DSCAM: variants seen among roughly 807,000 people sequenced by gnomAD.
DSCAM encodes the protein DS cell adhesion molecule.
In DSCAM, 47 loss-of-function variants were observed where a neutral mutation model predicts 217.7. The observed-to-expected ratio is 0.22, with a 90% CI of 0.17 to 0.28. The LOEUF is 0.28. Among genes scored for constraint, DSCAM ranks in the 10% least tolerant of loss-of-function variants. DSCAM has a pLI of 1.00. For missense variants in DSCAM, 2,080 were observed against 2,618.3 expected (o/e 0.79, Z 4.49); for synonymous variants, 1,056 against 1,015.3 (o/e 1.04, Z -0.76).
In DSCAM at chr21:40,075,714, C is replaced by T. The variant is rs143817665; in HGVS notation, c.4712-501G>A. ...GATTAGGTAATTTGCTGGCTTTTAT[C>T]GCAGGTGTAAGACCAAATCTACTTC... On this transcript the variant is annotated intron_variant, in intron 26 of 32. Coordinates refer to ENST00000400454, the MANE Select transcript of DSCAM (RefSeq NM_001389.5). 4.6e-5 allele frequency among the ~76,000 whole-genome samples: 7 copies of T among 152,260 alleles called. No individual in the cohort carries two copies. The East Asian group carries it at 7.7e-4, about 17-fold the overall frequency.
chr21:40,434,796 C>T (rs2075568365), intron 3 of DSCAM, among the ~76,000 whole-genome samples: 1 of 152,014 alleles, frequency 6.6e-6, no homozygotes, highest in South Asian at 2.1e-4. Context: ...AAAAAAACAC[C>T]CGATTAGACA....
At chr21:40,328,044 ATGT>A (rs2074336787) in intron 8 of DSCAM, among the ~76,000 whole-genome samples, 1 of 152,186 alleles carries the variant, frequency 6.6e-6, no homozygotes, top group Non-Finnish European at 1.5e-5. Flanking sequence ...AGAAGAATTC[ATGT>A]TGTTAAAATG....
intron 14 of DSCAM, 151 bp downstream of exon 14, chr21:40,186,980 G>T: frequency 1.1e-6 from 1 of 928,744 alleles, no homozygotes; most frequent in Non-Finnish European, 1.6e-6. Context: ...AGAAAGCCAG[G>T]ATGTGCTTCC....
chr21:40,131,550 C>A (rs376108101), intron 19 of DSCAM, among the ~76,000 whole-genome samples: 1 of 152,128 alleles, frequency 6.6e-6, no homozygotes, highest in Non-Finnish European at 1.5e-5. Flanking sequence ...CTCAGCCTCC[C>A]GAGTAGCTGG....
At chr21:40,746,282 G>A (rs982023980) in intron 1 of DSCAM, among the ~76,000 whole-genome samples, 1 of 150,990 alleles carries the variant, frequency 6.6e-6, no homozygotes, top group African/African-American at 2.4e-5. Flanking sequence ...TTTTAAAAAT[G>A]CCCAATTATA....
intron 25 of DSCAM, among the ~76,000 whole-genome samples, chr21:40,079,288 G>A (rs1305906453): frequency 6.6e-6 from 1 of 152,176 alleles, no homozygotes. Context: ...GCGGGGCAGT[G>A]TGCTGGGCAC....
chr21:40,498,803 A>ATGGGTGTATATATATATATGGGTG (rs1454335441), intron 3 of DSCAM, among the ~76,000 whole-genome samples: 1 of 39,978 alleles, frequency 2.5e-5, no homozygotes, highest in Non-Finnish European at 4.7e-5. Context: ...ATATATATAT[A>ATGGGTGTATATATATATATGGGTG]TATATATATA....
chr21:40,481,684 A>T (rs2075984268), intron 3 of DSCAM, among the ~76,000 whole-genome samples: 1 of 152,102 alleles, frequency 6.6e-6, no homozygotes, highest in Non-Finnish European at 1.5e-5. Context: ...TCTTCTTCTG[A>T]TTTTTAAAGT....
At chr21:40,184,253 T>TTATACAC (rs1446321497) in intron 14 of DSCAM, among the ~76,000 whole-genome samples, 12 of 152,314 alleles carry the variant, frequency 7.9e-5, no homozygotes, top group African/African-American at 2.9e-4. Context: ...ACCAAAAATT[T>TTATACAC]CTGGAGGAAG....
intron 3 of DSCAM, among the ~76,000 whole-genome samples, chr21:40,647,721 A>T (rs2089964470): frequency 6.6e-6 from 1 of 152,244 alleles, no homozygotes; most frequent in Non-Finnish European, 1.5e-5. Context: ...TTCAAACCTC[A>T]TCAGATAATA....
At chr21:40,027,213 CTT>C (rs1410651343) in intron 32 of DSCAM, among the ~76,000 whole-genome samples, 2 of 152,308 alleles carry the variant, frequency 1.3e-5, no homozygotes, top group Non-Finnish European at 2.9e-5. Context: ...CCCCCACTCT[CTT>C]CTGGCTTGTA....
chr21:40,053,272 G>A (rs142853423), intron 29 of DSCAM, among the ~76,000 whole-genome samples: 11 of 152,218 alleles, frequency 7.2e-5, no homozygotes, highest in South Asian at 2.1e-4. Context: ...GTATCCCAGC[G>A]CATGGTGCGG....
chr21:40,393,378 T>C (rs1292621010), intron 3 of DSCAM, among the ~76,000 whole-genome samples: 1 of 152,166 alleles, frequency 6.6e-6, no homozygotes. Context: ...AAAGACATGT[T>C]CCCAGCCCTT....
At chr21:40,018,741 G>A (rs1034558211) in intron 32 of DSCAM, among the ~76,000 whole-genome samples, 1 of 152,150 alleles carries the variant, frequency 6.6e-6, no homozygotes, top group African/African-American at 2.4e-5. Flanking sequence ...TTATCAAGAG[G>A]GCTCCAGTCA....
Position 40,012,858 on chromosome 21 carries a change from G to GA in DSCAM, c.*175dup. 2 of 467,722 alleles carry GA rather than the reference G, an allele frequency of 4.3e-6. No individual in the cohort carries two copies. Among genetic ancestry groups the GA allele is most frequent in the East Asian group, 3.7e-5 (1 of 27,144 alleles). The allele number at this position is 467,722 out of a possible 1,614,324, so 29.0% of individuals were successfully genotyped here. A position where few individuals can be genotyped will look rare whatever the true frequency, so the allele number is the denominator to read the frequency against. On this transcript the variant is annotated 3_prime_UTR_variant, in exon 33 of 33. Transcript: ENST00000400454. ...GGCGGATGGAGCTCACACTCAGACAGAAAAAAAGCAGGAGAGTCTTTGCAC... is the reference window on the plus strand; with the variant it reads ...GGCGGATGGAGCTCACACTCAGACAGAAAAAAAAGCAGGAGAGTCTTTGCAC...
chr21:40,489,853 C>T (rs984093005), intron 3 of DSCAM, among the ~76,000 whole-genome samples: 2 of 150,936 alleles, frequency 1.3e-5, no homozygotes, highest in Non-Finnish European at 1.5e-5. Flanking sequence ...TCTTCCATCC[C>T]CTAAATTTTG....
intron 2 of DSCAM, among the ~76,000 whole-genome samples, chr21:40,704,196 T>C (rs966176566): frequency 6.6e-6 from 1 of 152,142 alleles, no homozygotes; most frequent in African/African-American, 2.4e-5. Flanking sequence ...CCTCCCTCCC[T>C]CCTGACTATC....
chr21:40,473,179 TAACTTTTTAAA>T (rs2075903849), intron 3 of DSCAM, among the ~76,000 whole-genome samples: 1 of 152,204 alleles, frequency 6.6e-6, no homozygotes, highest in East Asian at 1.9e-4. Context: ...TAACGGCTCT[TAACTTTTTAAA>T]AACTAAAGGA....
At chr21:40,250,641 A>G (rs2073290596) in intron 11 of DSCAM, among the ~76,000 whole-genome samples, 1 of 152,232 alleles carries the variant, frequency 6.6e-6, no homozygotes, top group South Asian at 2.1e-4. Flanking sequence ...GTGAAAAGGC[A>G]GCCCTCACAT....
Sources: allele counts gnomAD v4.1 joint callset (sites outside exome capture counted in the v4.1 genomes callset), GRCh38; gene constraint gnomAD v4.1.1; transcripts MANE v1.5; gene names NCBI Gene and HGNC (gene_info 2026-07-23, HGNC 2026-07-21).